USH2A: variants seen among roughly 807,000 people sequenced by gnomAD.
USH2A encodes the protein Usher syndrome 2A (autosomal recessive, mild).
USH2A carries 443 observed loss-of-function variants against 538.9 expected under a neutral mutation model. That is an observed-to-expected ratio of 0.82 (90% CI 0.76 to 0.89). USH2A has a LOEUF of 0.89. Among genes scored for constraint, USH2A ranks in the 40% least tolerant of loss-of-function variants. USH2A has a pLI of 0.00. For synonymous variants in USH2A, 2,413 were observed against 2,273.5 expected (o/e 1.06, Z -1.75); for missense variants, 6,633 against 6,324.8 (o/e 1.05, Z -1.65).
intron 58 of USH2A, among the ~76,000 whole-genome samples, chr1:215,754,427 T>G (rs1660722759): frequency 6.6e-6 from 1 of 152,108 alleles, no homozygotes; most frequent in Admixed American, 6.6e-5. Context: ...GCTTAGGTAA[T>G]TTTTCAGTTG....
At chr1:216,132,351 C>A (rs996258276) in intron 21 of USH2A, among the ~76,000 whole-genome samples, 1 of 152,058 alleles carries the variant, frequency 6.6e-6, no homozygotes, top group African/African-American at 2.4e-5. Context: ...ATATGTCATG[C>A]ATTTTTTAAA....
intron 12 of USH2A, 124 bp downstream of exon 12, chr1:216,250,779 G>GTT (rs570199293): frequency 3.7e-5 from 36 of 969,586 alleles, no homozygotes; most frequent in Non-Finnish European, 5.1e-5. Context: ...CATCCAAATT[G>GTT]TTTTTTTTTC....
intron 64 of USH2A, among the ~76,000 whole-genome samples, 165 bp downstream of exon 64, chr1:215,670,807 A>C (rs1657789756): frequency 6.6e-6 from 1 of 152,170 alleles, no homozygotes; most frequent in Non-Finnish European, 1.5e-5. Context: ...GGCAATGAAC[A>C]TGGTTTTTCC....
At chr1:216,104,073 C>A (rs906635062) in intron 21 of USH2A, among the ~76,000 whole-genome samples, 41 of 150,890 alleles carry the variant, frequency 2.7e-4, no homozygotes, top group African/African-American at 9.0e-4. Flanking sequence ...AGTTTTGATT[C>A]TTTTTTTTTA....
intron 3 of USH2A, among the ~76,000 whole-genome samples, chr1:216,378,984 C>T (rs2038885544): frequency 6.6e-6 from 1 of 152,102 alleles, no homozygotes; most frequent in Admixed American, 6.5e-5. Flanking sequence ...GGCAGGTATG[C>T]AATACAACTT....
chr1:216,265,072 G>A (rs1364832621), intron 11 of USH2A, among the ~76,000 whole-genome samples: 1 of 152,062 alleles, frequency 6.6e-6, no homozygotes, highest in Non-Finnish European at 1.5e-5. Flanking sequence ...AAAGTGGAGA[G>A]ACGACCTACA....
intron 47 of USH2A, among the ~76,000 whole-genome samples, chr1:215,833,432 A>G (rs1663385652): frequency 6.6e-6 from 1 of 152,002 alleles, no homozygotes; most frequent in Non-Finnish European, 1.5e-5. Context: ...AAATCTAAAA[A>G]TATTCAATAA....
chr1:215,810,830 T>G (rs1662649636), intron 49 of USH2A, among the ~76,000 whole-genome samples: 1 of 152,194 alleles, frequency 6.6e-6, no homozygotes, highest in African/African-American at 2.4e-5. Context: ...TCCATATATA[T>G]TTTTACTTTT....
intron 40 of USH2A, among the ~76,000 whole-genome samples, chr1:215,893,759 G>C (rs1665261074): frequency 6.6e-6 from 1 of 152,182 alleles, no homozygotes; most frequent in Non-Finnish European, 1.5e-5. Context: ...GCCCAGGGGA[G>C]ATTCGAGAGC....
chr1:216,231,872 A>G (rs1271943592), intron 14 of USH2A, 81 bp downstream of exon 14: 1 of 1,557,072 alleles, frequency 6.4e-7, no homozygotes, highest in African/African-American at 1.4e-5. Flanking sequence ...CTTTTTACAG[A>G]AGTTATTGCT....
intron 62 of USH2A, among the ~76,000 whole-genome samples, chr1:215,676,690 C>A (rs1319148068): frequency 1.3e-5 from 2 of 152,108 alleles, no homozygotes; most frequent in African/African-American, 4.8e-5. Flanking sequence ...TTGTTGAGGA[C>A]CCAGGGCAAG....
At chr1:216,400,532 C>G (rs2039288161) in intron 3 of USH2A, among the ~76,000 whole-genome samples, 1 of 151,934 alleles carries the variant, frequency 6.6e-6, no homozygotes, top group African/African-American at 2.4e-5. Context: ...GAAAGAATGT[C>G]TGAAAATACT....
intron 64 of USH2A, among the ~76,000 whole-genome samples, chr1:215,656,988 A>C (rs1362222115): frequency 6.6e-6 from 1 of 152,224 alleles, no homozygotes; most frequent in Non-Finnish European, 1.5e-5. Context: ...GGGGCATGTA[A>C]TGAGATTGTT....
intron 51 of USH2A, 84 bp from the exon 52 acceptor site, chr1:215,786,958 C>A: frequency 1.5e-6 from 2 of 1,361,792 alleles, no homozygotes; most frequent in East Asian, 2.4e-5. Context: ...TTGTGACTTT[C>A]AAATGAAATT....
intron 14 of USH2A, among the ~76,000 whole-genome samples, chr1:216,231,272 A>ATATATATAATATATATATATT (rs1448269695): frequency 4.6e-5 from 2 of 43,758 alleles, no homozygotes; most frequent in Non-Finnish European, 9.3e-5. Context: ...ATATATATAT[A>ATATATATAATATATATATATT]ATATATATAC....
intron 3 of USH2A, among the ~76,000 whole-genome samples, chr1:216,377,077 A>G (rs189647176): frequency 6.6e-6 from 1 of 152,326 alleles, no homozygotes; most frequent in East Asian, 1.9e-4. Context: ...GACAGTACTG[A>G]GCAAAATTTA....
intron 43 of USH2A, among the ~76,000 whole-genome samples, chr1:215,870,534 A>C (rs1664600253): frequency 1.3e-5 from 2 of 148,382 alleles, no homozygotes; most frequent in Admixed American, 1.4e-4. Context: ...TGACCTCATG[A>C]TCCACCCACC....
chr1:215,927,009 C>T (rs1010066044), intron 38 of USH2A, among the ~76,000 whole-genome samples: 3 of 152,164 alleles, frequency 2.0e-5, no homozygotes, highest in African/African-American at 4.8e-5. Context: ...TCAAGGGCAA[C>T]ATTCTGCAGT....
chr1:216,282,599 C>T (rs1416664189), intron 11 of USH2A, among the ~76,000 whole-genome samples: 1 of 152,128 alleles, frequency 6.6e-6, no homozygotes, highest in African/African-American at 2.4e-5. Context: ...CTATGTCTAT[C>T]TTTATCCCAG....
Sources: allele counts gnomAD v4.1 joint callset (sites outside exome capture counted in the v4.1 genomes callset), GRCh38; gene constraint gnomAD v4.1.1; transcripts MANE v1.5; gene names NCBI Gene and HGNC (gene_info 2026-07-23, HGNC 2026-07-21).